ALKBH5: variants seen among roughly 807,000 people sequenced by gnomAD.
ALKBH5 encodes the protein RNA demethylase ALKBH5.
A neutral mutation model predicts 32.1 loss-of-function variants in ALKBH5; 2 were observed. That is an observed-to-expected ratio of 0.06 (90% CI 0.03 to 0.20). ALKBH5 has a LOEUF of 0.20. Among genes scored for constraint, ALKBH5 ranks in the 10% least tolerant of loss-of-function variants. The pLI is 1.00. For synonymous variants in ALKBH5, 300 were observed against 231.7 expected, an observed-to-expected ratio of 1.29 and a Z score of -2.68; for missense variants, 352 against 559.5, an observed-to-expected ratio of 0.63 and a Z score of 3.74.
intron 2 of ALKBH5, among the ~76,000 whole-genome samples, chr17:18,202,993 GA>G (rs2047250527): frequency 6.6e-6 from 1 of 150,394 alleles, no homozygotes; most frequent in Non-Finnish European, 1.5e-5. Flanking sequence ...AGAATTGCCT[GA>G]ACCTGGGAGG....
rs775888304 is a variant in ALKBH5, at chr17:18,184,817, A to G, written c.574A>G (p.Ile192Val). 6.2e-7 allele frequency: 1 copy of G among 1,614,186 alleles called. No homozygotes were observed. Among genetic ancestry groups the G allele is most frequent in the Admixed American group, 1.7e-5 (1 of 60,036 alleles). Reference protein sequence around the residue: ...IPEGFVNSAVINDYQPGGCIV... With the variant: ...IPEGFVNSAVVNDYQPGGCIV... ...CGAGGGCTTCGTCAACAGCGCCGTC[A>G]TCAACGACTACCAGCCCGGCGGCTG... The change falls in exon 1 of 4, where the codon ATC (isoleucine) becomes GTC (valine). Residue 192 changes from isoleucine to valine, a missense_variant. Coordinates refer to ENST00000399138, the MANE Select transcript of ALKBH5 (RefSeq NM_017758.4).
intron 2 of ALKBH5, among the ~76,000 whole-genome samples, chr17:18,199,175 G>A (rs2047221534): frequency 1.3e-5 from 2 of 152,176 alleles, no homozygotes; most frequent in African/African-American, 4.8e-5. Flanking sequence ...AGCAGCTACA[G>A]GCTAGTCGGC....
intron 1 of ALKBH5, among the ~76,000 whole-genome samples, chr17:18,193,578 G>C (rs1450433496): frequency 2.6e-5 from 4 of 151,922 alleles, no homozygotes; most frequent in African/African-American, 9.7e-5. Flanking sequence ...ATAAAGGTTT[G>C]TTCTATCCCC....
rs1193754032 is a variant in ALKBH5, at chr17:18,184,321, C to G, written c.78C>G (p.Gly26=). 1 of 1,515,984 alleles carries G rather than the reference C, an allele frequency of 6.6e-7. No individual in the cohort carries two copies. Among genetic ancestry groups the G allele is most frequent in the African/African-American group, 1.4e-5 (1 of 69,910 alleles). The allele number at this position is 1,515,984 out of a possible 1,614,324, so 93.9% of individuals were successfully genotyped here. A position where few individuals can be genotyped will look rare whatever the true frequency, so the allele number is the denominator to read the frequency against. ...CGTCCCGGGACAACTATAAGGCGGG[C>G]AGCCGGGAGGCCGCCGCCGCTGCCG... The part of the protein sequence containing the change: ...SMTSRDNYKA[G]SREAAAAAAA... Residue 26 remains glycine, a synonymous_variant, in exon 1 of 4, where the codon GGC becomes GGG. Coordinates refer to ENST00000399138, the MANE Select transcript of ALKBH5 (RefSeq NM_017758.4).
At chr17:18,190,411 G>A (rs372513530) in intron 1 of ALKBH5, among the ~76,000 whole-genome samples, 2 of 152,014 alleles carry the variant, frequency 1.3e-5, no homozygotes, top group Non-Finnish European at 2.9e-5. Flanking sequence ...TTAGCCGGGC[G>A]TGGTGGCAGG....
Position 18,183,888 on chromosome 17 carries a change from G to C in ALKBH5, c.-356G>C. 2.3e-6 allele frequency: 1 copy of C among 426,004 alleles called. No individual in the cohort carries two copies. Among genetic ancestry groups the C allele is most frequent in the Admixed American group, 3.2e-5 (1 of 31,170 alleles). 26.4% of individuals were successfully genotyped at this position (426,004 alleles called of 1,614,324 possible). ...GGGCTGGCTGCCCGTGACGTCGTGC[G>C]GAGAGCTTTAAAGTGCGGGCCGGGC... On this transcript the variant is annotated 5_prime_UTR_variant, in exon 1 of 4. Transcript: ENST00000399138.
At chr17:18,202,363 G>A (rs2047247158) in intron 2 of ALKBH5, among the ~76,000 whole-genome samples, 1 of 152,142 alleles carries the variant, frequency 6.6e-6, no homozygotes, top group African/African-American at 2.4e-5. Flanking sequence ...CAGGGGGCTG[G>A]TGGAAGATGG....
At chr17:18,202,013 A>G (rs1374099781) in intron 2 of ALKBH5, among the ~76,000 whole-genome samples, 1 of 151,680 alleles carries the variant, frequency 6.6e-6, no homozygotes, top group Non-Finnish European at 1.5e-5. Context: ...TGTTTCAAAG[A>G]AAGTAATTAA....
chr17:18,202,034 G>A (rs1463330436), intron 2 of ALKBH5, among the ~76,000 whole-genome samples: 2 of 152,092 alleles, frequency 1.3e-5, no homozygotes, highest in Non-Finnish European at 2.9e-5. Flanking sequence ...TTGGCCGGGT[G>A]CGGTGGTTCA....
chr17:18,194,264 C>T (rs908759175), intron 1 of ALKBH5, among the ~76,000 whole-genome samples: 1 of 152,064 alleles, frequency 6.6e-6, no homozygotes, highest in Non-Finnish European at 1.5e-5. Context: ...AGCGATTCTC[C>T]TGCCTCAGCC....
intron 2 of ALKBH5, among the ~76,000 whole-genome samples, chr17:18,201,092 G>A (rs1045940348): frequency 6.6e-6 from 1 of 152,168 alleles, no homozygotes; most frequent in Admixed American, 6.5e-5. Context: ...AGCAGTGGAA[G>A]GAAGTGGAGG....
intron 2 of ALKBH5, among the ~76,000 whole-genome samples, chr17:18,204,399 C>G (rs1442096817): frequency 6.6e-6 from 1 of 151,228 alleles, no homozygotes; most frequent in Non-Finnish European, 1.5e-5. Flanking sequence ...TGCAGTGAGC[C>G]AAGATCGTGC....
chr17:18,201,207 C>T (rs933691066), intron 2 of ALKBH5, among the ~76,000 whole-genome samples: 1 of 152,174 alleles, frequency 6.6e-6, no homozygotes, highest in African/African-American at 2.4e-5. Context: ...TTTGTGTCTC[C>T]TGTGGTTAGA....
Position 18,183,839 on chromosome 17 carries a change from T to G in ALKBH5, c.-405T>G, listed in dbSNP as rs1459044216. On this transcript the variant is annotated 5_prime_UTR_variant, in exon 1 of 4. Transcript: ENST00000399138. ...TGCGCGTGCGCGGTGAGGAGCCCGC[T>G]AAGGAGCGGCGCTGGCGGACGTCGG... is the stretch of plus-strand genomic sequence containing the variant. 6.3e-6 allele frequency: 2 copies of G among 315,074 alleles called. No homozygotes were observed. The highest frequency in any genetic ancestry group is 1.1e-3 in the Middle Eastern group (1 of 952). 19.5% of individuals were successfully genotyped at this position (315,074 alleles called of 1,614,324 possible). A position where few individuals can be genotyped will look rare whatever the true frequency, so the allele number is the denominator to read the frequency against.
At chr17:18,194,472 C>G (rs888204501) in intron 1 of ALKBH5, among the ~76,000 whole-genome samples, 4 of 152,060 alleles carry the variant, frequency 2.6e-5, no homozygotes, top group African/African-American at 7.2e-5. Flanking sequence ...TTAAAATATT[C>G]AAACACAACT....
At chr17:18,201,261 G>A (rs542142248) in intron 2 of ALKBH5, among the ~76,000 whole-genome samples, 4 of 152,322 alleles carry the variant, frequency 2.6e-5, no homozygotes, top group Admixed American at 6.5e-5. Context: ...CTGTGTCCAC[G>A]TGCATACACC....
In ALKBH5 at chr17:18,196,355, G is replaced by A. The variant is rs549111395; in HGVS notation, c.851+1320G>A. Among the ~76,000 whole-genome samples, 7 of 152,218 alleles carry A rather than the reference G, an allele frequency of 4.6e-5. No individual in the cohort carries two copies. The East Asian group carries it at 1.4e-3, about 29-fold the overall frequency. On this transcript the variant is annotated intron_variant, in intron 2 of 3. Coordinates refer to ENST00000399138, the MANE Select transcript of ALKBH5 (RefSeq NM_017758.4). ...TCGTGTCTCAGCCTCCTGAGTAGCT[G>A]GGACTATAGGCGTGTGCCACAACAC... is the stretch of plus-strand genomic sequence containing the variant.
intron 2 of ALKBH5, among the ~76,000 whole-genome samples, chr17:18,202,592 C>T (rs975311094): frequency 2.6e-5 from 4 of 152,076 alleles, no homozygotes; most frequent in Non-Finnish European, 1.5e-5. Context: ...ACAAGGATGC[C>T]TGGTAAAGGT....
rs757591442 is a variant in ALKBH5, at chr17:18,184,306, C to G, written c.63C>G (p.Asp21Glu). 6.5e-7 allele frequency: 1 copy of G among 1,527,320 alleles called. No individual in the cohort carries two copies. Among genetic ancestry groups the G allele is most frequent in the African/African-American group, 1.4e-5 (1 of 70,242 alleles). The allele number at this position is 1,527,320 out of a possible 1,614,324, so 94.6% of individuals were successfully genotyped here. Residue 21 changes from aspartate (D) to glutamate (E), a missense_variant, in exon 1 of 4, where the codon GAC (aspartate) becomes GAG (glutamate). This residue lies in a region of ALKBH5 where 144 missense variants were observed against 125.8 expected (regional missense o/e 1.14). Coordinates refer to ENST00000399138, the MANE Select transcript of ALKBH5 (RefSeq NM_017758.4). ...REKLKSMTSR[D>E]NYKAGSREAA... ...AGCTCAAGTCCATGACGTCCCGGGA[C>G]AACTATAAGGCGGGCAGCCGGGAGG... is the stretch of plus-strand genomic sequence containing the variant.
Sources: gnomAD v4.1 joint callset for allele counts (sites outside exome capture counted in the v4.1 genomes callset) on GRCh38, gnomAD v4.1.1 for gene constraint, gnomAD v4.1.1 regional missense constraint, MANE v1.5 for transcripts, NCBI Gene and HGNC (gene_info 2026-07-23, HGNC 2026-07-21) for gene names.